Variants in ACADM observed in about 807,000 individuals in gnomAD.
ACADM encodes the protein medium-chain specific acyl-CoA dehydrogenase, mitochondrial.
A neutral mutation model predicts 58.9 loss-of-function variants in ACADM; 49 were observed. The ratio of observed to expected loss-of-function variants is 0.83; its 90% CI spans 0.66 to 1.06. The LOEUF (loss-of-function observed/expected upper bound fraction) is 1.06, where lower values mean the gene tolerates loss of function less well. Among genes scored for constraint, ACADM ranks in the 50% least tolerant of loss-of-function variants. The pLI is 0.00. For synonymous variants in ACADM, 160 were observed against 157.7 expected (o/e 1.01, Z -0.11); for missense variants, 496 against 507.0 (o/e 0.98, Z 0.21).
intron 10 of ACADM, among the ~76,000 whole-genome samples, chr1:75,760,470 G>A (rs1484067813): frequency 7.0e-6 from 1 of 142,264 alleles, no homozygotes; most frequent in African/African-American, 2.6e-5. Context: ...TGAGGCGGGA[G>A]GGTCGTTGAG....
chr1:75,724,954 C>G, intron 1 of ACADM, 137 bp downstream of exon 1: 1 of 794,874 alleles, frequency 1.3e-6, no homozygotes, highest in Non-Finnish European at 1.8e-6. Flanking sequence ...CTAGGGGCCC[C>G]CAACCTGCTT....
At chr1:75,725,961 T>C (rs1647048683) in intron 1 of ACADM, among the ~76,000 whole-genome samples, 1 of 152,246 alleles carries the variant, frequency 6.6e-6, no homozygotes, top group Non-Finnish European at 1.5e-5. Flanking sequence ...TGTTTTCTAT[T>C]TGCAAACCAC....
intron 6 of ACADM, among the ~76,000 whole-genome samples, chr1:75,736,404 C>T (rs1647267002): frequency 6.6e-6 from 1 of 151,982 alleles, no homozygotes; most frequent in African/African-American, 2.4e-5. Context: ...AAATTTCAAG[C>T]AAACTGTTTA....
chr1:75,753,795 CTTTTTT>C (rs71071962), intron 10 of ACADM, among the ~76,000 whole-genome samples: 4 of 81,928 alleles, frequency 4.9e-5, no homozygotes, highest in African/African-American at 6.1e-5. Flanking sequence ...CTGATAGCTT[CTTTTTT>C]TTTTTTTTTT....
chr1:75,739,077 A>G (rs1647427832), intron 6 of ACADM, among the ~76,000 whole-genome samples: 1 of 152,184 alleles, frequency 6.6e-6, no homozygotes, highest in South Asian at 2.1e-4. Context: ...CAGCATTAGA[A>G]ACACTGGGTA....
rs545522153 is a variant in ACADM, at chr1:75,724,773, G to T, written c.-15G>T. On this transcript the variant is annotated 5_prime_UTR_variant, in exon 1 of 12. Transcript: ENST00000370841. ...CCCGTGTATTATTGTCCGAGTGGCC[G>T]GAACGGGAGCCAACATGGCAGCGGG... The T allele has an allele frequency of 1.3e-6, 2 of 1,525,758 alleles. No individual in the cohort carries two copies. Among genetic ancestry groups the T allele is most frequent in the African/African-American group, 2.9e-5 (2 of 70,026 alleles). The allele number at this position is 1,525,758 out of a possible 1,614,324, so 94.5% of individuals were successfully genotyped here.
Position 75,728,492 on chromosome 1 carries a change from T to C in ACADM, c.118+4T>C, listed in dbSNP as rs761421407. The C allele has an allele frequency of 6.2e-7, 1 of 1,602,534 alleles. No individual in the cohort carries two copies. The highest frequency in any genetic ancestry group is 8.5e-7 in the Non-Finnish European group (1 of 1,169,804). ...CCAGGATTAGGATTTAGTTTTGGTA[T>C]ATGTTCGGTTCTATCTTTTGACTTT... is the stretch of plus-strand genomic sequence containing the variant. On this transcript the variant is annotated splice_donor_region_variant and intron_variant, in intron 2 of 11. Coordinates refer to ENST00000370841, the MANE Select transcript of ACADM (RefSeq NM_000016.6).
rs565779416 is a variant in ACADM, at chr1:75,726,043, C to A, written c.30+1226C>A. Among the ~76,000 whole-genome samples the A allele has an allele frequency of 9.4e-4, 143 of 152,294 alleles. 1 individual carries two copies. The highest frequency in any genetic ancestry group is 3.4e-3 in the Middle Eastern group (1 of 294). On this transcript the variant is annotated intron_variant, in intron 1 of 11. Coordinates refer to ENST00000370841, the MANE Select transcript of ACADM (RefSeq NM_000016.6). ...GGGCATTGTATTCTGGTAATAGCAA[C>A]CTTTGCACTTTGTTCTATGTAACAT... is the stretch of plus-strand genomic sequence containing the variant.
intron 8 of ACADM, among the ~76,000 whole-genome samples, chr1:75,747,135 G>C (rs953837847): frequency 6.6e-5 from 10 of 152,132 alleles, no homozygotes; most frequent in African/African-American, 2.4e-4. Flanking sequence ...CTGTCTTAGG[G>C]ATAGTTGCTA....
intron 7 of ACADM, among the ~76,000 whole-genome samples, chr1:75,740,788 A>C (rs1647525167): frequency 6.6e-6 from 1 of 152,190 alleles, no homozygotes; most frequent in Admixed American, 6.5e-5. Context: ...ATAGAGAAAA[A>C]ATGGTGACAG....
chr1:75,753,311 G>C (rs183901962), intron 10 of ACADM, among the ~76,000 whole-genome samples: 76 of 152,014 alleles, frequency 5.0e-4, no homozygotes, highest in African/African-American at 1.7e-3. Context: ...CTATCCTGCT[G>C]AGCCCAAATC....
intron 2 of ACADM, 151 bp downstream of exon 2, chr1:75,728,639 T>G: frequency 3.2e-6 from 2 of 629,652 alleles, no homozygotes; most frequent in South Asian, 3.4e-5. Flanking sequence ...TAACTCACAC[T>G]CCATTCTTCC....
chr1:75,751,257 G>A (rs914154737), intron 10 of ACADM, among the ~76,000 whole-genome samples: 20 of 151,150 alleles, frequency 1.3e-4, no homozygotes, highest in Non-Finnish European at 2.2e-4. Context: ...GGAGGATGGC[G>A]TGAACCCAGG....
At chr1:75,744,210 G>C in intron 7 of ACADM, 3 of 1,573,874 alleles carry the variant, frequency 1.9e-6, no homozygotes, top group Non-Finnish European at 2.6e-6. Flanking sequence ...GGTTGTGAGG[G>C]CGAGGGCACT....
At chr1:75,724,969 G>T in intron 1 of ACADM, 152 bp downstream of exon 1, 2 of 606,162 alleles carry the variant, frequency 3.3e-6, no homozygotes, top group Non-Finnish European at 5.0e-6. Flanking sequence ...CTGCTTTCAC[G>T]CCTCCTACCA....
intron 2 of ACADM, among the ~76,000 whole-genome samples, chr1:75,732,280 G>C (rs983394886): frequency 6.6e-6 from 1 of 152,126 alleles, no homozygotes; most frequent in Non-Finnish European, 1.5e-5. Context: ...GAGATGTCTT[G>C]TATATTAGTT....
chr1:75,747,215 G>C (rs1647949928), intron 8 of ACADM, among the ~76,000 whole-genome samples: 1 of 149,480 alleles, frequency 6.7e-6, no homozygotes. Flanking sequence ...ACTTTTTTTA[G>C]TAGTAAACTC....
At position 75,733,520 on chromosome 1, in the gene ACADM, T is replaced by TA. The variant is rs886042084; in HGVS notation, c.287-7dup. ...ATTACAATGTGTTGAAACATTTTGA[T>TA]ACTGTAGGAGGTCTTGGACTTGGAA... On this transcript the variant is annotated splice_region_variant and splice_polypyrimidine_tract_variant and intron_variant, in intron 4 of 11. Coordinates refer to ENST00000370841, the MANE Select transcript of ACADM (RefSeq NM_000016.6). The TA allele has an allele frequency of 1.9e-6, 3 of 1,605,226 alleles. No homozygotes were observed. Among genetic ancestry groups the TA allele is most frequent in the Non-Finnish European group, 2.6e-6 (3 of 1,172,068 alleles).
At chr1:75,743,886 A>C (rs1291195999) in intron 7 of ACADM, 24 of 1,433,644 alleles carry the variant, frequency 1.7e-5, no homozygotes, top group Non-Finnish European at 2.2e-5. Context: ...CTGCGTTTAC[A>C]ACAGGCTGTT....
Sources: gnomAD v4.1 joint callset for allele counts (sites outside exome capture counted in the v4.1 genomes callset) on GRCh38, gnomAD v4.1.1 for gene constraint, MANE v1.5 for transcripts, NCBI Gene and HGNC (gene_info 2026-07-23, HGNC 2026-07-21) for gene names.